MYBPC1: variants seen among roughly 807,000 people sequenced by gnomAD.
MYBPC1 encodes myosin-binding protein C, slow-type.
MYBPC1 carries 52 observed loss-of-function variants against 147.1 expected under a neutral mutation model. That is an observed-to-expected ratio of 0.35 (90% CI 0.28 to 0.45). MYBPC1 has a LOEUF of 0.45. Ranked by LOEUF, MYBPC1 falls within the 20% of genes least tolerant of loss-of-function variation. The pLI, the probability that MYBPC1 is intolerant of heterozygous loss-of-function variation, is 1.00. For synonymous variants in MYBPC1, 477 were observed against 475.9 expected (o/e 1.00, Z -0.03); for missense variants, 1,228 against 1,440.3 (o/e 0.85, Z 2.39).
chr12:101,610,255 A>G (rs1033027341), intron 1 of MYBPC1, among the ~76,000 whole-genome samples: 2 of 152,196 alleles, frequency 1.3e-5, no homozygotes, highest in East Asian at 3.8e-4. Flanking sequence ...TTTCTGTCTC[A>G]CCATGATTGA....
In MYBPC1 at chr12:101,617,186, T is replaced by A. The variant is rs762032087; in HGVS notation, c.62-16T>A. On this transcript the variant is annotated splice_polypyrimidine_tract_variant and intron_variant, in intron 2 of 31. Transcript: ENST00000361466. Reference sequence around the variant, plus strand: ...TTTAAGGCACTTTAAAAAATATGCTTGTACTTTCTACACAGAACCAAGTAA... The same window carrying A: ...TTTAAGGCACTTTAAAAAATATGCTAGTACTTTCTACACAGAACCAAGTAA... 6.2e-7 allele frequency: 1 copy of A among 1,613,610 alleles called. No homozygotes were observed. Among genetic ancestry groups the A allele is most frequent in the Non-Finnish European group, 8.5e-7 (1 of 1,179,748 alleles).
chr12:101,617,188 T>C lies in MYBPC1; in HGVS notation c.62-14T>C, dbSNP rs762964036. The C allele has an allele frequency of 3.1e-6, 5 of 1,613,688 alleles. No homozygotes were observed. The highest frequency in any genetic ancestry group is 1.7e-4 in the Middle Eastern group (1 of 6,060). On this transcript the variant is annotated splice_polypyrimidine_tract_variant and intron_variant, in intron 2 of 31. Coordinates refer to ENST00000361466, the MANE Select transcript of MYBPC1 (RefSeq NM_002465.4). ...TAAGGCACTTTAAAAAATATGCTTG[T>C]ACTTTCTACACAGAACCAAGTAAAG...
intron 10 of MYBPC1, chr12:101,636,947 T>C (rs1891103809): frequency 1.9e-6 from 1 of 539,138 alleles, no homozygotes; most frequent in African/African-American, 1.9e-5. Flanking sequence ...TCTTTTTAAA[T>C]GTTTCATGAC....
At position 101,632,099 on chromosome 12, in the gene MYBPC1, G is replaced by A. The variant is rs772274226; in HGVS notation, c.517G>A (p.Asp173Asn). ...TTACAGATGCGAGGTCACCTATAAG[G>A]ATAAGTTTGACAGCTGTTCATTTGA... is the stretch of plus-strand genomic sequence containing the variant. ...GNYRCEVTYKDKFDSCSFDLE... is the reference protein window; with the variant it reads ...GNYRCEVTYKNKFDSCSFDLE... The change falls in exon 8 of 32, where the codon GAT becomes AAT. Residue 173 changes from aspartate to asparagine, a missense_variant. Coordinates refer to ENST00000361466, the MANE Select transcript of MYBPC1 (RefSeq NM_002465.4). The A allele has an allele frequency of 1.9e-6, 3 of 1,613,994 alleles. No individual in the cohort carries two copies. Among genetic ancestry groups the A allele is most frequent in the East Asian group, 4.5e-5 (2 of 44,888 alleles).
chr12:101,672,883 T>G (rs1276105492), intron 24 of MYBPC1, among the ~76,000 whole-genome samples: 7 of 152,072 alleles, frequency 4.6e-5, no homozygotes, highest in Non-Finnish European at 8.8e-5. Context: ...CTACAAAAAC[T>G]TATGTATTGG....
Position 101,668,022 on chromosome 12 carries a change from C to A in MYBPC1, c.2524+123C>A, listed in dbSNP as rs1565992189. On this transcript the variant is annotated intron_variant, in intron 23 of 31. Transcript: ENST00000361466. ...TTACTCCTTTGATATTTTGTTAATG[C>A]TTTAATGCTTCCTAAGAGTTAGAAC... is the stretch of plus-strand genomic sequence containing the variant. 1.3e-4 allele frequency: 5 copies of A among 37,538 alleles called. No homozygotes were observed. The Admixed American group carries it at 5.7e-3, about 42-fold the overall frequency. 2.3% of individuals were successfully genotyped at this position (37,538 alleles called of 1,614,324 possible). A position where few individuals can be genotyped will look rare whatever the true frequency, so the allele number is the denominator to read the frequency against.
In MYBPC1 at chr12:101,646,748, T is replaced by A; in HGVS notation, c.966-15T>A. 1 of 1,612,240 alleles carries A rather than the reference T, an allele frequency of 6.2e-7. No homozygotes were observed. The highest frequency in any genetic ancestry group is 8.5e-7 in the Non-Finnish European group (1 of 1,178,310). On this transcript the variant is annotated splice_polypyrimidine_tract_variant and intron_variant, in intron 12 of 31. Coordinates refer to ENST00000361466, the MANE Select transcript of MYBPC1 (RefSeq NM_002465.4). ...CATTCACAGACTCTGTTTATTTTCA[T>A]CCTATTCAAAACAGATACATCTTTG...
At chr12:101,687,442 A>C (rs1374173805), downstream of MYBPC1, among the ~76,000 whole-genome samples, 2 of 152,122 alleles carry the variant, frequency 1.3e-5, no homozygotes, top group Non-Finnish European at 2.9e-5. Flanking sequence ...CATGGTGTAT[A>C]TGTGCCACAT....
chr12:101,601,132 G>A (rs7978259), intron 1 of MYBPC1, among the ~76,000 whole-genome samples: 2,819 of 152,274 alleles, frequency 0.019, 85 homozygotes, highest in African/African-American at 0.065. Context: ...GAGCATACCA[G>A]TTAAGGAAAG....
At chr12:101,626,219 G>C (rs1452800390) in intron 3 of MYBPC1, among the ~76,000 whole-genome samples, 1 of 151,612 alleles carries the variant, frequency 6.6e-6, no homozygotes, top group South Asian at 2.1e-4. Context: ...TTGAAGTTCA[G>C]ATGTTTTTTA....
chr12:101,671,140 G>T (rs183704396), intron 24 of MYBPC1, among the ~76,000 whole-genome samples: 1 of 152,176 alleles, frequency 6.6e-6, no homozygotes, highest in African/African-American at 2.4e-5. Flanking sequence ...ACATGTGGCT[G>T]TTGAGCACTT....
rs890661028 is a variant in MYBPC1 at position 101,673,636 on chromosome 12, A to G, written c.2809+14A>G. ...TCCAGATCATTGGTAGGTTTAGATG[A>G]AGGAGCCAGAAAGTTCTGTCAAAGC... is the stretch of plus-strand genomic sequence containing the variant. On this transcript the variant is annotated intron_variant, in intron 25 of 31. Transcript: ENST00000361466. 5 of 1,613,928 alleles carry G rather than the reference A, an allele frequency of 3.1e-6. No individual in the cohort carries two copies. Among genetic ancestry groups the G allele is most frequent in the Non-Finnish European group, 4.2e-6 (5 of 1,179,930 alleles).
At chr12:101,624,869 A>C (rs1370827054) in intron 3 of MYBPC1, among the ~76,000 whole-genome samples, 1 of 151,998 alleles carries the variant, frequency 6.6e-6, no homozygotes, top group Non-Finnish European at 1.5e-5. Context: ...GTAAAATATG[A>C]ACTTTGTTCA....
At chr12:101,614,382 T>C in intron 1 of MYBPC1, 114 bp from the exon 2 acceptor site, 1 of 1,082,914 alleles carries the variant, frequency 9.2e-7, no homozygotes, top group East Asian at 2.5e-5. Flanking sequence ...ATCCCTCTTG[T>C]GAGTACACAC....
Position 101,629,533 on chromosome 12 carries a change from C to G in MYBPC1, c.278C>G (p.Thr93Arg). 4 of 1,611,828 alleles carry G rather than the reference C, an allele frequency of 2.5e-6. No homozygotes were observed. Among genetic ancestry groups the G allele is most frequent in the Non-Finnish European group, 3.4e-6 (4 of 1,178,068 alleles). The change falls in exon 6 of 32, where the codon ACA becomes AGA. Residue 93 changes from threonine to arginine, a missense_variant. By Grantham distance (71) the Thr-to-Arg change is moderately conservative. This residue lies in a region of MYBPC1 where 151 missense variants were observed against 126.1 expected (regional missense o/e 1.20). Transcript: ENST00000361466. Reference sequence around the variant, plus strand: ...TTCATTGAAAAACCTCAAGGAGGAACAGTGAAAGTTGGTGAGTGCCTAGCA... The same window carrying G: ...TTCATTGAAAAACCTCAAGGAGGAAGAGTGAAAGTTGGTGAGTGCCTAGCA... ...ILFIEKPQGGTVKVGEDITFI... is the reference protein window; with the variant it reads ...ILFIEKPQGGRVKVGEDITFI...
At chr12:101,606,203 AACACACAC>A (rs113061042) in intron 1 of MYBPC1, among the ~76,000 whole-genome samples, 26 of 145,904 alleles carry the variant, frequency 1.8e-4, no homozygotes, top group African/African-American at 5.8e-4. Flanking sequence ...TCAAAAAAGA[AACACACAC>A]ACACACACAC....
intron 3 of MYBPC1, among the ~76,000 whole-genome samples, chr12:101,620,715 T>C (rs772686963): frequency 2.0e-5 from 3 of 152,176 alleles, no homozygotes; most frequent in Non-Finnish European, 4.4e-5. Flanking sequence ...GTCCAAAAAG[T>C]GACAGCAGCA....
chr12:101,602,926 G>A (rs1880679389), intron 1 of MYBPC1, among the ~76,000 whole-genome samples: 1 of 152,206 alleles, frequency 6.6e-6, no homozygotes, highest in Non-Finnish European at 1.5e-5. Flanking sequence ...CGGTTGGGTT[G>A]TTTCTTCACT....
chr12:101,648,751 G>A (rs982199978), intron 14 of MYBPC1, among the ~76,000 whole-genome samples: 9 of 152,076 alleles, frequency 5.9e-5, no homozygotes, highest in Admixed American at 5.9e-4. Context: ...GAGTTTATTT[G>A]TTTTGCTCAG....
Sources: allele counts gnomAD v4.1 joint callset (sites outside exome capture counted in the v4.1 genomes callset), GRCh38; gene constraint gnomAD v4.1.1; regional missense constraint gnomAD v4.1.1; transcripts MANE v1.5; gene names NCBI Gene and HGNC (gene_info 2026-07-23, HGNC 2026-07-21).